The following THSD7B variants were observed in gnomAD, a reference collection of about 807,000 sequenced individuals.
The protein encoded by THSD7B is thrombospondin type 1 domain containing 7B.
THSD7B carries 138 observed loss-of-function variants against 213.6 expected under a neutral mutation model. The ratio of observed to expected loss-of-function variants is 0.65; its 90% CI spans 0.56 to 0.74. THSD7B has a LOEUF of 0.74. Among genes scored for constraint, THSD7B ranks in the 30% least tolerant of loss-of-function variants. THSD7B has a pLI of 0.00. For missense variants in THSD7B, 1,931 were observed against 1,991.5 expected (o/e 0.97, Z 0.58); for synonymous variants, 742 against 687.0 (o/e 1.08, Z -1.25).
rs74484703 is a variant in THSD7B at position 137,443,696 on chromosome 2, T to A, written c.2960-7149T>A. Among the ~76,000 whole-genome samples the A allele has an allele frequency of 3.2e-4, 48 of 152,192 alleles. No individual in the cohort carries two copies. The East Asian group carries it at 8.7e-3, about 28-fold the overall frequency. ...TACTTCTGACTATAAAATGAAGTCT[T>A]TTCCTAGGTGATCTTGAATAGCTCA... is the stretch of plus-strand genomic sequence containing the variant. On this transcript the variant is annotated intron_variant, in intron 14 of 27. Transcript: ENST00000409968.
intron 15 of THSD7B, among the ~76,000 whole-genome samples, chr2:137,470,775 C>A (rs1396967647): frequency 1.3e-5 from 2 of 152,204 alleles, no homozygotes; most frequent in East Asian, 3.9e-4. Flanking sequence ...CCCAATATTC[C>A]TTTAAAAATC....
intron 16 of THSD7B, among the ~76,000 whole-genome samples, chr2:137,565,025 G>C (rs1357474356): frequency 2.0e-5 from 3 of 152,064 alleles, no homozygotes; most frequent in African/African-American, 7.2e-5. Context: ...GGCCTTATAA[G>C]AAGAGAAGAC....
At chr2:137,284,812 A>C (rs952336194) in intron 12 of THSD7B, among the ~76,000 whole-genome samples, 1 of 152,082 alleles carries the variant, frequency 6.6e-6, no homozygotes, top group African/African-American at 2.4e-5. Context: ...GGAGTGCTTT[A>C]CTTCTAACTA....
intron 14 of THSD7B, among the ~76,000 whole-genome samples, chr2:137,419,581 T>A (rs1361943761): frequency 6.6e-6 from 1 of 151,406 alleles, no homozygotes; most frequent in Non-Finnish European, 1.5e-5. Context: ...CTGATTGGTT[T>A]GAGTATGCAA....
At chr2:137,037,915 T>C (rs561424353) in intron 2 of THSD7B, among the ~76,000 whole-genome samples, 6 of 152,218 alleles carry the variant, frequency 3.9e-5, no homozygotes, top group Non-Finnish European at 8.8e-5. Flanking sequence ...GTTGGCCATG[T>C]CACCTATGAG....
chr2:136,776,757 T>G (rs1181278253), intron 1 of THSD7B, among the ~76,000 whole-genome samples: 4 of 152,206 alleles, frequency 2.6e-5, no homozygotes, highest in African/African-American at 4.8e-5. Context: ...AAATAATTTA[T>G]GCTGTGAAGA....
chr2:137,096,527 C>T (rs572800125), intron 4 of THSD7B, among the ~76,000 whole-genome samples: 3 of 152,126 alleles, frequency 2.0e-5, no homozygotes, highest in Admixed American at 6.5e-5. Flanking sequence ...AAAATGACCC[C>T]TTAGATTTGT....
At chr2:137,452,637 T>C (rs1687675730) in intron 15 of THSD7B, among the ~76,000 whole-genome samples, 1 of 152,190 alleles carries the variant, frequency 6.6e-6, no homozygotes, top group Non-Finnish European at 1.5e-5. Flanking sequence ...CATTTTAATA[T>C]GCTAATTTTA....
chr2:137,569,809 A>ATTG (rs1309648234), intron 16 of THSD7B, among the ~76,000 whole-genome samples: 1 of 151,184 alleles, frequency 6.6e-6, no homozygotes, highest in Non-Finnish European at 1.5e-5. Flanking sequence ...TATTATTATT[A>ATTG]TTAATTATTA....
intron 17 of THSD7B, among the ~76,000 whole-genome samples, chr2:137,584,961 G>A (rs1274544087): frequency 6.6e-6 from 1 of 152,074 alleles, no homozygotes; most frequent in Admixed American, 6.5e-5. Context: ...GAATCCGTCT[G>A]GTCCTGGACT....
intron 2 of THSD7B, among the ~76,000 whole-genome samples, chr2:136,945,479 T>TAATACAGA (rs1012844760): frequency 1.3e-5 from 2 of 152,154 alleles, no homozygotes; most frequent in Non-Finnish European, 2.9e-5. Flanking sequence ...AGTATCTTTG[T>TAATACAGA]GGTATTCTCT....
intron 3 of THSD7B, among the ~76,000 whole-genome samples, chr2:137,080,336 C>T (rs187776445): frequency 1.9e-3 from 272 of 143,728 alleles, no homozygotes; most frequent in African/African-American, 6.8e-3. Context: ...CAAGCAGCTG[C>T]GATTATAGGC....
intron 12 of THSD7B, among the ~76,000 whole-genome samples, chr2:137,368,594 CAT>C (rs1305561340): frequency 6.6e-6 from 1 of 151,984 alleles, no homozygotes; most frequent in Non-Finnish European, 1.5e-5. Flanking sequence ...TAATTTTAGA[CAT>C]ATTTTTATTA....
chr2:136,941,007 C>T (rs1224167737), intron 2 of THSD7B, among the ~76,000 whole-genome samples: 1 of 151,840 alleles, frequency 6.6e-6, no homozygotes, highest in Non-Finnish European at 1.5e-5. Context: ...CTTCCTCCAG[C>T]CCCCCACCCC....
At chr2:137,072,661 G>A (rs1486362049) in intron 3 of THSD7B, among the ~76,000 whole-genome samples, 2 of 152,074 alleles carry the variant, frequency 1.3e-5, no homozygotes, top group Non-Finnish European at 2.9e-5. Context: ...GTGGTGAGAG[G>A]GGGCGTCCCT....
At chr2:137,658,678 T>C (rs1320374718) in intron 24 of THSD7B, among the ~76,000 whole-genome samples, 2 of 152,224 alleles carry the variant, frequency 1.3e-5, no homozygotes, top group African/African-American at 4.8e-5. Context: ...ATGCTAATTC[T>C]GGACTGTGAA....
At chr2:137,489,826 A>AAT (rs1688564425) in intron 15 of THSD7B, among the ~76,000 whole-genome samples, 2 of 152,200 alleles carry the variant, frequency 1.3e-5, no homozygotes, top group Admixed American at 1.3e-4. Context: ...TGATAGTTTA[A>AAT]AGAAAAAAAC....
At chr2:136,802,912 G>C (rs878952811) in intron 1 of THSD7B, among the ~76,000 whole-genome samples, 1 of 151,648 alleles carries the variant, frequency 6.6e-6, no homozygotes, top group East Asian at 1.9e-4. Context: ...TGATGGGTAT[G>C]CTACGAAACA....
At chr2:136,853,087 T>TG (rs1683126576) in intron 1 of THSD7B, among the ~76,000 whole-genome samples, 1 of 151,920 alleles carries the variant, frequency 6.6e-6, no homozygotes, top group Non-Finnish European at 1.5e-5. Context: ...TGTGCGTGTG[T>TG]TTGTGAATAC....
Sources: allele counts gnomAD v4.1 joint callset (sites outside exome capture counted in the v4.1 genomes callset), GRCh38; gene constraint gnomAD v4.1.1; transcripts MANE v1.5; gene names NCBI Gene and HGNC (gene_info 2026-07-23, HGNC 2026-07-21).